The following IDH1 variants were observed in gnomAD, a reference collection of about 807,000 sequenced individuals.
IDH1 encodes isocitrate dehydrogenase (NADP(+)) 1.
Under a neutral mutation model 46.1 loss-of-function variants are expected in IDH1, and 33 were observed. The ratio of observed to expected loss-of-function variants is 0.72; its 90% CI spans 0.54 to 0.96. IDH1 has a LOEUF of 0.96. IDH1 is among the 40% of genes least tolerant of loss of function. IDH1 has a pLI of 0.00. For missense variants in IDH1, 421 were observed against 515.7 expected, an observed-to-expected ratio of 0.82 and a Z score of 1.78; for synonymous variants, 144 against 172.8, an observed-to-expected ratio of 0.83 and a Z score of 1.31.
At chr2:208,242,750 C>T (rs941005917) in intron 6 of IDH1, among the ~76,000 whole-genome samples, 53 of 151,270 alleles carry the variant, frequency 3.5e-4, no homozygotes, top group African/African-American at 1.3e-3. Context: ...ATTTTAAATT[C>T]TTTTTTTTCT....
intron 2 of IDH1, among the ~76,000 whole-genome samples, chr2:208,252,178 C>G (rs79246690): frequency 6.6e-6 from 1 of 152,218 alleles, no homozygotes; most frequent in Non-Finnish European, 1.5e-5. Context: ...AAAAGCGAGA[C>G]GAAGAATTCC....
At chr2:208,251,362 G>C in intron 3 of IDH1, 68 bp downstream of exon 3, 1 of 1,572,160 alleles carries the variant, frequency 6.4e-7, no homozygotes, top group Non-Finnish European at 8.7e-7. Context: ...GGGACTTCAC[G>C]TGTGCACCAC....
intron 4 of IDH1, 100 bp from the exon 5 acceptor site, chr2:208,245,524 A>G (rs184144637): frequency 1.5e-6 from 1 of 687,208 alleles, no homozygotes; most frequent in South Asian, 1.6e-5. Flanking sequence ...CACCTAGACA[A>G]ATAGGGCAGT....
chr2:208,254,017 G>T (rs1462482940), intron 1 of IDH1, 58 bp from the exon 2 acceptor site: 1 of 152,250 alleles, frequency 6.6e-6, no homozygotes, highest in African/African-American at 2.4e-5. Context: ...GGAGAATTTA[G>T]CTGTTTTTAG....
In IDH1 at chr2:208,255,071, C is replaced by T. The variant is rs997164524; in HGVS notation, c.-223G>A. On this transcript the variant is annotated 5_prime_UTR_variant, in exon 1 of 10. Coordinates refer to ENST00000345146, the MANE Select transcript of IDH1 (RefSeq NM_005896.4). ...TTCTGAAGTAGACTCTGCAGAAACC[C>T]GGGACCACAGGGTAGGTCCGAGCTT... 1.3e-5 allele frequency: 2 copies of T among 152,220 alleles called. No individual in the cohort carries two copies. Among genetic ancestry groups the T allele is most frequent in the Non-Finnish European group, 2.9e-5 (2 of 68,120 alleles). The allele number at this position is 152,220 out of a possible 1,614,324, so 9.4% of individuals were successfully genotyped here.
rs1406219039 is a variant in IDH1 at position 208,243,524 on chromosome 2, G to C, written c.601C>G (p.Leu201Val). The C allele has an allele frequency of 6.2e-7, 1 of 1,613,728 alleles. No individual in the cohort carries two copies. The highest frequency in any genetic ancestry group is 1.3e-5 in the African/African-American group (1 of 74,914). The change falls in exon 6 of 10, where the codon CTG becomes GTG. Residue 201 changes from leucine to valine, a missense_variant. Physicochemically the swap from Leu to Val is conservative, Grantham distance 32. Transcript: ENST00000345146. ...AGATACAAAGGCCAACCCTTAGACA[G>C]AGCCATTTGGAAGGAACTGTGTGCA... The part of the protein sequence containing the change: ...DFAHSSFQMA[L>V]SKGWPLYLST...
chr2:208,240,356 C>T lies in IDH1; in HGVS notation c.851-353G>A, dbSNP rs550593396. ...ATGGGAGTAATAACAGCACCTACTT[C>T]ACTAGGTTGCTGTGGGATTAGATAA... On this transcript the variant is annotated intron_variant, in intron 7 of 9. Coordinates refer to ENST00000345146, the MANE Select transcript of IDH1 (RefSeq NM_005896.4). The T allele has an allele frequency of 2.2e-4, 57 of 264,120 alleles. 1 individual carries two copies. The highest frequency in any genetic ancestry group is 1.1e-3 in the African/African-American group (51 of 46,426). 16.4% of individuals were successfully genotyped at this position (264,120 alleles called of 1,614,324 possible). A position where few individuals can be genotyped will look rare whatever the true frequency, so the allele number is the denominator to read the frequency against.
chr2:208,238,186 C>A (rs1192916582), intron 9 of IDH1, among the ~76,000 whole-genome samples: 2 of 151,800 alleles, frequency 1.3e-5, no homozygotes, highest in African/African-American at 4.8e-5. Context: ...CAGGTGCCCG[C>A]CACCACGCCT....
At chr2:208,238,737 T>C (rs1294619539) in intron 9 of IDH1, among the ~76,000 whole-genome samples, 1 of 152,236 alleles carries the variant, frequency 6.6e-6, no homozygotes, top group Admixed American at 6.5e-5. Context: ...AGATGGGATG[T>C]CAGCAAATTA....
chr2:208,245,125 T>C (rs1388058454), intron 5 of IDH1, among the ~76,000 whole-genome samples, 194 bp downstream of exon 5: 2 of 152,258 alleles, frequency 1.3e-5, no homozygotes, highest in Non-Finnish European at 2.9e-5. Flanking sequence ...GGTAACCCTT[T>C]TGTGCCTTTA....
At chr2:208,254,682 C>A (rs1236692809) in intron 1 of IDH1, among the ~76,000 whole-genome samples, 1 of 152,218 alleles carries the variant, frequency 6.6e-6, no homozygotes, top group Non-Finnish European at 1.5e-5. Context: ...TTGCATCCAA[C>A]TTCCTCACCG....
At chr2:208,250,337 C>T (rs562416222) in intron 3 of IDH1, among the ~76,000 whole-genome samples, 1 of 151,078 alleles carries the variant, frequency 6.6e-6, no homozygotes, top group Admixed American at 6.6e-5. Context: ...TGTTTTTATG[C>T]CTAATTTCTT....
At chr2:208,251,409 A>C (rs1426318170) in intron 3 of IDH1, 21 bp downstream of exon 3, 4 of 1,611,786 alleles carry the variant, frequency 2.5e-6, no homozygotes, top group Non-Finnish European at 3.4e-6. Flanking sequence ...AGTTTGCTAC[A>C]CGGAGGGGTA....
chr2:208,240,051 A>G, intron 7 of IDH1, 48 bp from the exon 8 acceptor site: 1 of 1,604,448 alleles, frequency 6.2e-7, no homozygotes, highest in Non-Finnish European at 8.5e-7. Context: ...CATGAAGAGC[A>G]CTGAGTCTCT....
intron 6 of IDH1, 93 bp from the exon 7 acceptor site, chr2:208,242,238 CA>C: frequency 8.8e-7 from 1 of 1,142,850 alleles, no homozygotes; most frequent in Admixed American, 1.7e-5. Flanking sequence ...ACCGGACACA[CA>C]AGAAGCAGCA....
chr2:208,252,085 GT>G (rs1688135945), intron 2 of IDH1, among the ~76,000 whole-genome samples: 2 of 152,256 alleles, frequency 1.3e-5, no homozygotes, highest in Admixed American at 6.5e-5. Flanking sequence ...TTAAGAGGCT[GT>G]TTTTGTTATT....
intron 7 of IDH1, among the ~76,000 whole-genome samples, chr2:208,240,796 A>G (rs371542403): frequency 1.3e-5 from 2 of 152,340 alleles, no homozygotes; most frequent in African/African-American, 4.8e-5. Context: ...TCACAAAGCA[A>G]TAACACTCCT....
Position 208,241,985 on chromosome 2 carries a change from C to T in IDH1, c.850+9G>A. 6.2e-7 allele frequency: 1 copy of T among 1,611,862 alleles called. No individual in the cohort carries two copies. The highest frequency in any genetic ancestry group is 1.1e-5 in the South Asian group (1 of 90,988). On this transcript the variant is annotated intron_variant, in intron 7 of 9. Transcript: ENST00000345146. ...CCCTGTTCCTACAGGCCAGGCTCCA[C>T]CTCTGTACCTTGGGCCACAGAGTCC...
intron 1 of IDH1, among the ~76,000 whole-genome samples, chr2:208,254,620 T>C: frequency 6.6e-6 from 1 of 152,202 alleles, no homozygotes; most frequent in East Asian, 1.9e-4. Flanking sequence ...TTCTTGCAAC[T>C]TCCACCCCTC....
Sources: gnomAD v4.1 joint callset for allele counts (sites outside exome capture counted in the v4.1 genomes callset) on GRCh38, gnomAD v4.1.1 for gene constraint, MANE v1.5 for transcripts, NCBI Gene and HGNC (gene_info 2026-07-23, HGNC 2026-07-21) for gene names.